Variants in DAPK1 observed in about 807,000 individuals in gnomAD.
DAPK1 encodes the protein death associated protein kinase 1, also known as death-associated protein kinase 1.
A neutral mutation model predicts 144.9 loss-of-function variants in DAPK1; 56 were observed. The observed-to-expected ratio is 0.39, with a 90% CI of 0.31 to 0.48. The LOEUF is 0.48. DAPK1 is among the 20% of genes least tolerant of loss of function. DAPK1 has a pLI of 0.95. For synonymous variants in DAPK1, 690 were observed against 749.0 expected, an observed-to-expected ratio of 0.92 and a Z score of 1.29; for missense variants, 1,454 against 1,875.4, an observed-to-expected ratio of 0.78 and a Z score of 4.15.
intron 2 of DAPK1, among the ~76,000 whole-genome samples, chr9:87,578,805 C>A (rs555785381): frequency 6.6e-6 from 1 of 152,212 alleles, no homozygotes; most frequent in South Asian, 2.1e-4. Flanking sequence ...ACTCATCTTT[C>A]AGAGTCATGT....
chr9:87,707,652 C>T lies in DAPK1; in HGVS notation c.*288C>T, dbSNP rs1825690213. 1 of 504,142 alleles carries T rather than the reference C, an allele frequency of 2.0e-6. No homozygotes were observed. The highest frequency in any genetic ancestry group is 3.6e-6 in the Non-Finnish European group (1 of 279,376). The allele number at this position is 504,142 out of a possible 1,614,324, so 31.2% of individuals were successfully genotyped here. A position where few individuals can be genotyped will look rare whatever the true frequency, so the allele number is the denominator to read the frequency against. On this transcript the variant is annotated 3_prime_UTR_variant, in exon 26 of 26. Transcript: ENST00000408954. The surrounding 1 kb of genome is among the most constrained non-coding windows in gnomAD (Gnocchi z 4.0). ...CAGTGTTTTGGACTCCATCTCTCAT[C>T]CTCCAGTACCTTGCTTCTTACTGAT...
At chr9:87,498,284 C>T (rs1381622029) in intron 1 of DAPK1, among the ~76,000 whole-genome samples, 177 bp downstream of exon 1, 1 of 152,192 alleles carries the variant, frequency 6.6e-6, no homozygotes, top group African/African-American at 2.4e-5. Flanking sequence ...CTTCCCCAGC[C>T]CCGCGGGCCG....
At chr9:87,596,918 G>A (rs772430649) in intron 2 of DAPK1, among the ~76,000 whole-genome samples, 18 of 150,010 alleles carry the variant, frequency 1.2e-4, no homozygotes, top group African/African-American at 2.7e-4. Context: ...TCAGGTGGTC[G>A]CATTGAGAGG....
At chr9:87,598,325 G>A (rs904112590) in intron 2 of DAPK1, among the ~76,000 whole-genome samples, 2 of 152,198 alleles carry the variant, frequency 1.3e-5, no homozygotes, top group African/African-American at 2.4e-5. Flanking sequence ...AAGATGGAAC[G>A]TGTCAGCTGT....
intron 2 of DAPK1, among the ~76,000 whole-genome samples, chr9:87,501,599 A>G (rs1381501063): frequency 1.3e-5 from 2 of 152,244 alleles, no homozygotes; most frequent in Admixed American, 1.3e-4. Flanking sequence ...GCAGTCATCT[A>G]AATAATAACG....
In DAPK1 at chr9:87,706,677, G is replaced by C; in HGVS notation, c.3606G>C (p.Glu1202Asp). 1 of 1,611,522 alleles carries C rather than the reference G, an allele frequency of 6.2e-7. No individual in the cohort carries two copies. Among genetic ancestry groups the C allele is most frequent in the Non-Finnish European group, 8.5e-7 (1 of 1,178,584 alleles). The change falls in exon 26 of 26, where the codon GAG (glutamate) becomes GAC (aspartate). Residue 1202 changes from glutamate to aspartate, a missense_variant. This residue lies in a region of DAPK1 where 1,025 missense variants were observed against 1,237.9 expected (regional missense o/e 0.83). Transcript: ENST00000408954. This position sits in a 1 kb window ranked among gnomAD's most constrained non-coding sequence, Gnocchi z 9.0. ...QGIEVQVRGL[E>D]TEKIKCCLLL... ...TTGAGGTCCAGGTCCGCGGCCTGGA[G>C]ACGGAGAAGATCAAGTGCTGCCTGC...
intron 3 of DAPK1, among the ~76,000 whole-genome samples, chr9:87,615,348 T>G (rs965597731): frequency 6.6e-6 from 1 of 152,228 alleles, no homozygotes; most frequent in Non-Finnish European, 1.5e-5. Context: ...TGGGAATATG[T>G]GCTTGTTCCG....
chr9:87,683,947 G>A (rs1424251253), intron 20 of DAPK1, among the ~76,000 whole-genome samples: 28 of 152,198 alleles, frequency 1.8e-4, no homozygotes, highest in Admixed American at 1.8e-3. Flanking sequence ...AGTGTGCGCT[G>A]GTGGTTGCCC....
chr9:87,657,842 C>G lies in DAPK1; in HGVS notation c.1825-187C>G, dbSNP rs149872130. The G allele has an allele frequency of 1.8e-3, 1,101 of 595,856 alleles. 4 individuals are homozygous for G. The highest frequency in any genetic ancestry group is 0.014 in the African/African-American group (749 of 53,712). The allele number at this position is 595,856 out of a possible 1,614,324, so 36.9% of individuals were successfully genotyped here. ...TATTTTGAAGCTCCTCTTTTAATTG[C>G]AAAGTACTTGGAAAGGTTCTGCCTG... On this transcript the variant is annotated intron_variant, in intron 17 of 25. Transcript: ENST00000408954.
chr9:87,620,409 C>T (rs902450187), intron 3 of DAPK1, among the ~76,000 whole-genome samples: 1 of 152,210 alleles, frequency 6.6e-6, no homozygotes, highest in African/African-American at 2.4e-5. Flanking sequence ...AATTGCGGCT[C>T]TCCATGTCTC....
At chr9:87,675,691 T>A (rs532182826) in intron 19 of DAPK1, among the ~76,000 whole-genome samples, 1 of 152,048 alleles carries the variant, frequency 6.6e-6, no homozygotes, top group Admixed American at 6.5e-5. Flanking sequence ...TAGGAGGTGA[T>A]CTTGGCAGCC....
Position 87,497,922 on chromosome 9 carries a change from C to T in DAPK1, c.-294C>T. 1 of 396,096 alleles carries T rather than the reference C, an allele frequency of 2.5e-6. No homozygotes were observed. Among genetic ancestry groups the T allele is most frequent in the East Asian group, 3.6e-5 (1 of 27,958 alleles). The allele number at this position is 396,096 out of a possible 1,614,324, so 24.5% of individuals were successfully genotyped here. A position where few individuals can be genotyped will look rare whatever the true frequency, so the allele number is the denominator to read the frequency against. Reference sequence around the variant, plus strand: ...GAGCCAACGCCGGGGACTTTGTTCCCTCCGCGGAGGGGACTCGGCAACTCG... The same window carrying T: ...GAGCCAACGCCGGGGACTTTGTTCCTTCCGCGGAGGGGACTCGGCAACTCG... On this transcript the variant is annotated 5_prime_UTR_variant, in exon 1 of 26. Transcript: ENST00000408954.
intron 17 of DAPK1, among the ~76,000 whole-genome samples, chr9:87,653,830 A>C: frequency 6.6e-6 from 1 of 152,120 alleles, no homozygotes; most frequent in East Asian, 1.9e-4. Context: ...AGTAGCTGGG[A>C]TTACAGGCTC....
At chr9:87,585,234 G>C (rs1451792648) in intron 2 of DAPK1, among the ~76,000 whole-genome samples, 1 of 152,068 alleles carries the variant, frequency 6.6e-6, no homozygotes, top group African/African-American at 2.4e-5. Flanking sequence ...CTGTGCTTCT[G>C]GGGTCATATC....
chr9:87,598,547 G>C (rs1186769986), intron 2 of DAPK1, among the ~76,000 whole-genome samples: 1 of 152,000 alleles, frequency 6.6e-6, no homozygotes, highest in African/African-American at 2.4e-5. Context: ...TCTGGATCAG[G>C]GCCAGCAATG....
chr9:87,514,778 G>A (rs1486405401), intron 2 of DAPK1, among the ~76,000 whole-genome samples: 1 of 152,262 alleles, frequency 6.6e-6, no homozygotes, highest in East Asian at 1.9e-4. Context: ...TGTCATGACA[G>A]TGTCCTTTTG....
intron 2 of DAPK1, among the ~76,000 whole-genome samples, chr9:87,515,536 G>T (rs1825017665): frequency 6.6e-6 from 1 of 152,196 alleles, no homozygotes; most frequent in Non-Finnish European, 1.5e-5. Flanking sequence ...CTGGGGGTCA[G>T]TGGTGGGAGC....
chr9:87,678,519 G>A (rs1331007767), intron 19 of DAPK1, among the ~76,000 whole-genome samples: 1 of 152,220 alleles, frequency 6.6e-6, no homozygotes, highest in African/African-American at 2.4e-5. Flanking sequence ...ATCGGAGACA[G>A]CACTCAGCAA....
intron 19 of DAPK1, among the ~76,000 whole-genome samples, chr9:87,672,240 G>C (rs917723488): frequency 3.9e-4 from 60 of 152,304 alleles, no homozygotes; most frequent in African/African-American, 1.4e-3. Flanking sequence ...TGTCATTTGT[G>C]ATGACAGCCA....
Sources: allele counts gnomAD v4.1 joint callset (sites outside exome capture counted in the v4.1 genomes callset), GRCh38; gene constraint gnomAD v4.1.1; regional missense constraint gnomAD v4.1.1; non-coding constraint Gnocchi (gnomAD v3.1); transcripts MANE v1.5; gene names NCBI Gene and HGNC (gene_info 2026-07-23, HGNC 2026-07-21).